The following LRCH3 variants were observed in gnomAD, a reference collection of about 807,000 sequenced individuals.
LRCH3 encodes DISP complex protein LRCH3.
In LRCH3, 68 loss-of-function variants were observed where a neutral mutation model predicts 104.5. That is an observed-to-expected ratio of 0.65 (90% CI 0.54 to 0.80). The LOEUF (loss-of-function observed/expected upper bound fraction) is 0.80, where lower values mean the gene tolerates loss of function less well. Among genes scored for constraint, LRCH3 ranks in the 30% least tolerant of loss-of-function variants. The pLI, the probability that LRCH3 is intolerant of heterozygous loss-of-function variation, is 0.00. For missense variants in LRCH3, 951 were observed against 953.9 expected (o/e 1.00, Z 0.04); for synonymous variants, 344 against 361.3 (o/e 0.95, Z 0.54).
Position 197,791,546 on chromosome 3 carries a change from CG to C in LRCH3, c.262+10del, listed in dbSNP as rs763425877. The stretch of plus-strand genomic sequence containing the variant: ...GACGGACACCACCCGGGCGGGTGAG[CG>C]GGGCGGGGGGCGTCTCTGCCCGTCG... On this transcript the variant is annotated splice_region_variant and intron_variant, in intron 1 of 20. Transcript: ENST00000425562. The C allele has an allele frequency of 1.3e-5, 20 of 1,561,976 alleles. No homozygotes were observed. The highest frequency in any genetic ancestry group is 1.7e-5 in the Non-Finnish European group (20 of 1,159,152).
chr3:197,797,430 C>T (rs753290865), intron 1 of LRCH3, among the ~76,000 whole-genome samples: 13 of 148,856 alleles, frequency 8.7e-5, no homozygotes, highest in East Asian at 2.0e-4. Flanking sequence ...GGAGGAAGGA[C>T]GTAGAGAATG....
At chr3:197,864,198 C>T (rs1275779975) in intron 15 of LRCH3, among the ~76,000 whole-genome samples, 1 of 151,982 alleles carries the variant, frequency 6.6e-6, no homozygotes, top group Non-Finnish European at 1.5e-5. Context: ...CCCAGCTACT[C>T]GGGAGGCTGA....
At chr3:197,799,472 A>G (rs1479718375) in intron 1 of LRCH3, among the ~76,000 whole-genome samples, 1 of 152,210 alleles carries the variant, frequency 6.6e-6, no homozygotes, top group African/African-American at 2.4e-5. Context: ...GCTCTTCACA[A>G]TTTCTAAATT....
chr3:197,849,691 G>A (rs900490146), intron 12 of LRCH3, among the ~76,000 whole-genome samples: 10 of 152,186 alleles, frequency 6.6e-5, no homozygotes, highest in African/African-American at 2.2e-4. Flanking sequence ...TGAGGAAGCT[G>A]TAGGTCTAGG....
chr3:197,839,625 A>G (rs1737493643), intron 10 of LRCH3, among the ~76,000 whole-genome samples: 1 of 152,220 alleles, frequency 6.6e-6, no homozygotes, highest in Admixed American at 6.5e-5. Flanking sequence ...CGATCTGAAG[A>G]TACTTAGTAG....
At position 197,826,991 on chromosome 3, in the gene LRCH3, C is replaced by G; in HGVS notation, c.754C>G (p.Pro252Ala). Residue 252 changes from proline to alanine, a missense_variant, in exon 5 of 21, where the codon CCA (proline) becomes GCA (alanine). Pro to Ala is a conservative substitution (Grantham distance 27). Transcript: ENST00000425562. ...HLQTITLDNNPLQSPPAQICI... is the reference protein window; with the variant it reads ...HLQTITLDNNALQSPPAQICI... ...ACAGACGATCACCCTAGATAACAAT[C>G]CACTACAATCACCTCCTGCACAGGT... 1 of 1,613,992 alleles carries G rather than the reference C, an allele frequency of 6.2e-7. No individual in the cohort carries two copies. Among genetic ancestry groups the G allele is most frequent in the Non-Finnish European group, 8.5e-7 (1 of 1,179,996 alleles).
At chr3:197,832,440 T>C (rs1174574951) in intron 8 of LRCH3, 123 bp downstream of exon 8, 1 of 884,794 alleles carries the variant, frequency 1.1e-6, no homozygotes. Context: ...TTTAAAGACT[T>C]CTTTTCATAT....
At chr3:197,872,541 G>A (rs1191940075) in intron 19 of LRCH3, among the ~76,000 whole-genome samples, 1 of 152,074 alleles carries the variant, frequency 6.6e-6, no homozygotes, top group Non-Finnish European at 1.5e-5. Context: ...GACCAGCTTG[G>A]GTGATCTTGT....
At chr3:197,870,311 A>G (rs768029204) in intron 18 of LRCH3, 33 bp downstream of exon 18, 1 of 1,589,748 alleles carries the variant, frequency 6.3e-7, no homozygotes, top group Non-Finnish European at 8.6e-7. Flanking sequence ...ACACTTTTTC[A>G]GTATTACTGC....
chr3:197,828,852 C>T (rs544891711), intron 5 of LRCH3, among the ~76,000 whole-genome samples: 4 of 146,238 alleles, frequency 2.7e-5, no homozygotes, highest in East Asian at 4.2e-4. Flanking sequence ...GGATTACAAG[C>T]GCCTGCCACC....
intron 4 of LRCH3, among the ~76,000 whole-genome samples, chr3:197,821,837 C>T (rs1323954350): frequency 1.3e-5 from 2 of 152,108 alleles, no homozygotes; most frequent in Non-Finnish European, 2.9e-5. Context: ...ACCATGTCAC[C>T]TACTTTTTGT....
chr3:197,827,142 G>A (rs1385495920), intron 5 of LRCH3, 128 bp downstream of exon 5: 6 of 1,443,450 alleles, frequency 4.2e-6, no homozygotes, highest in African/African-American at 1.4e-5. Context: ...AAACCACAGT[G>A]GAAGCATCAG....
At chr3:197,792,922 G>T (rs964661252) in intron 1 of LRCH3, among the ~76,000 whole-genome samples, 1 of 151,976 alleles carries the variant, frequency 6.6e-6, no homozygotes, top group African/African-American at 2.4e-5. Context: ...AAAGTGCTGG[G>T]ATTACAGGCG....
Position 197,879,594 on chromosome 3 carries a change from C to G in LRCH3, c.2208+3819C>G, listed in dbSNP as rs73089373. ...CCGGGAGGCGGAGCTTGCAGTGAGCCGAGATCAGCGAGACTCCGTCTCAAA... is the reference window on the plus strand; with the variant it reads ...CCGGGAGGCGGAGCTTGCAGTGAGCGGAGATCAGCGAGACTCCGTCTCAAA... On this transcript the variant is annotated intron_variant, in intron 20 of 20. Transcript: ENST00000425562. Among the ~76,000 whole-genome samples the G allele has an allele frequency of 1.1e-4, 17 of 149,418 alleles. 1 individual carries two copies. The highest frequency in any genetic ancestry group is 3.8e-4 in the African/African-American group (15 of 39,368).
intron 20 of LRCH3, chr3:197,880,732 G>T: frequency 6.5e-7 from 1 of 1,536,596 alleles, no homozygotes; most frequent in Middle Eastern, 1.7e-4. Context: ...GCACTCCGGT[G>T]ACTTTCTGCC....
chr3:197,841,466 G>T (rs1050338929), intron 10 of LRCH3, among the ~76,000 whole-genome samples: 1 of 152,134 alleles, frequency 6.6e-6, no homozygotes, highest in Non-Finnish European at 1.5e-5. Flanking sequence ...AAGGGCTCGT[G>T]ATTATATTAG....
At chr3:197,882,828 T>C (rs1458590321) in intron 20 of LRCH3, 1 of 985,404 alleles carries the variant, frequency 1.0e-6, no homozygotes, top group Non-Finnish European at 1.2e-6. Context: ...TAAGCTTACA[T>C]AGTAGTTCCC....
chr3:197,839,500 G>T, intron 10 of LRCH3, 103 bp downstream of exon 10: 1 of 650,688 alleles, frequency 1.5e-6, no homozygotes. Context: ...ATGTTTACAT[G>T]GCATGTATTT....
chr3:197,827,222 GTAAACCATGGTGGAAGCATCAGA>G lies in LRCH3; in HGVS notation c.777+213_777+235del, dbSNP rs1335412357. On this transcript the variant is annotated intron_variant, in intron 5 of 20. Coordinates refer to ENST00000425562, the MANE Select transcript of LRCH3 (RefSeq NM_001365715.1). ...AGGTAGACCATGGTGGAAGCATCAG[GTAAACCATGGTGGAAGCATCAGA>G]TAAATCATGGTGGAAGCATCAGGTA... 2.8e-4 allele frequency among the ~76,000 whole-genome samples: 41 copies of G among 145,606 alleles called. No individual in the cohort carries two copies. In the East Asian group the frequency reaches 8.4e-3, roughly 30 times the overall value.
Sources: gnomAD v4.1 joint callset for allele counts (sites outside exome capture counted in the v4.1 genomes callset) on GRCh38, gnomAD v4.1.1 for gene constraint, MANE v1.5 for transcripts, NCBI Gene and HGNC (gene_info 2026-07-23, HGNC 2026-07-21) for gene names.